SERINC5: variants seen among roughly 807,000 people sequenced by gnomAD.
SERINC5 encodes the protein serine incorporator 5, also known as chromosome 5 open reading frame 12.
A neutral mutation model predicts 63.1 loss-of-function variants in SERINC5; 41 were observed. That is an observed-to-expected ratio of 0.65 (90% confidence interval 0.51 to 0.84). The LOEUF (loss-of-function observed/expected upper bound fraction) is 0.84. SERINC5 is among the 40% of genes least tolerant of loss of function. The pLI, the probability that SERINC5 is intolerant of heterozygous loss-of-function variation, is 0.00. For synonymous variants in SERINC5, 222 were observed against 215.2 expected (o/e 1.03, Z -0.28); for missense variants, 523 against 573.0 (o/e 0.91, Z 0.89).
intron 2 of SERINC5, among the ~76,000 whole-genome samples, chr5:80,184,296 C>T (rs1472653372): frequency 6.6e-6 from 1 of 152,176 alleles, no homozygotes; most frequent in Non-Finnish European, 1.5e-5. Context: ...ACATCTTCCC[C>T]ATAACACATG....
At chr5:80,179,237 T>G (rs1003862668) in intron 2 of SERINC5, among the ~76,000 whole-genome samples, 1 of 152,056 alleles carries the variant, frequency 6.6e-6, no homozygotes, top group Non-Finnish European at 1.5e-5. Flanking sequence ...AGGCAGAGGT[T>G]GCAGCGAGCC....
intron 1 of SERINC5, among the ~76,000 whole-genome samples, chr5:80,230,008 T>A (rs1201670870): frequency 1.3e-5 from 2 of 152,136 alleles, no homozygotes; most frequent in Non-Finnish European, 2.9e-5. Flanking sequence ...AGCATCTCAT[T>A]TCCTCAAACT....
At chr5:80,168,729 C>G (rs1289386224) in intron 6 of SERINC5, among the ~76,000 whole-genome samples, 3 of 152,226 alleles carry the variant, frequency 2.0e-5, no homozygotes, top group African/African-American at 7.2e-5. Context: ...CACATTTATA[C>G]TTCCTAAAGC....
chr5:80,196,699 G>A (rs531233662), intron 2 of SERINC5, among the ~76,000 whole-genome samples: 27 of 152,268 alleles, frequency 1.8e-4, no homozygotes, highest in African/African-American at 6.5e-4. Flanking sequence ...AACACTTTTG[G>A]AGGCCAAGGC....
In SERINC5 at chr5:80,186,126, GAAAAAAAAAAAAAAAA is replaced by G. The variant is rs10554934; in HGVS notation, c.196-8078_196-8063del. On this transcript the variant is annotated intron_variant, in intron 2 of 11. Transcript: ENST00000507668. ...ATTGAAAGATTAACTTTCTTGTTTT[GAAAAAAAAAAAAAAAA>G]AAAAAAAAAAAAAGACAGAGTTTCA... is the stretch of plus-strand genomic sequence containing the variant. 4.2e-4 allele frequency among the ~76,000 whole-genome samples: 26 copies of G among 61,436 alleles called. No homozygotes were observed. The South Asian group carries it at 7.2e-3, about 17-fold the overall frequency. 40.3% of individuals were successfully genotyped at this position (61,436 alleles called of 152,430 possible).
chr5:80,140,835 C>A lies in SERINC5; in HGVS notation c.*2828G>T. The A allele has an allele frequency of 1.0e-6, 1 of 985,346 alleles. No individual in the cohort carries two copies. The highest frequency in any genetic ancestry group is 1.2e-6 in the Non-Finnish European group (1 of 829,930). The allele number at this position is 985,346 out of a possible 1,614,324, so 61.0% of individuals were successfully genotyped here. ...TATTCACATGCAGCTTTAAAAAAGT[C>A]CTCTTCAACTGTCATCCCTAAATGT... On this transcript the variant is annotated 3_prime_UTR_variant, in exon 12 of 12. Coordinates refer to ENST00000507668, the MANE Select transcript of SERINC5 (RefSeq NM_001174072.3).
In SERINC5 at chr5:80,229,050, T is replaced by TGGGGGCGGG. The variant is rs1174325559; in HGVS notation, c.28-25998_28-25997insCCCGCCCCC. Among the ~76,000 whole-genome samples, 20 of 94,104 alleles carry TGGGGGCGGG rather than the reference T, an allele frequency of 2.1e-4. 3 individuals are homozygous for TGGGGGCGGG. Among genetic ancestry groups the TGGGGGCGGG allele is most frequent in the Non-Finnish European group, 3.2e-4 (15 of 46,824 alleles). The allele number at this position is 94,104 out of a possible 152,430, so 61.7% of individuals were successfully genotyped here. On this transcript the variant is annotated intron_variant, in intron 1 of 11. Transcript: ENST00000507668. ...TTTTTTTTTTTTTTTTTTTTTTTTT[T>TGGGGGCGGG]GGGGATGGAGTTGCCTAGGCTGGAG...
chr5:80,235,460 T>C (rs951815446), intron 1 of SERINC5, among the ~76,000 whole-genome samples: 2 of 152,250 alleles, frequency 1.3e-5, no homozygotes, highest in Non-Finnish European at 2.9e-5. Context: ...TATTTAATTA[T>C]GATTCAGACA....
At chr5:80,228,544 C>T (rs966244313) in intron 1 of SERINC5, among the ~76,000 whole-genome samples, 1 of 152,008 alleles carries the variant, frequency 6.6e-6, no homozygotes, top group South Asian at 2.1e-4. Context: ...GAGCCTTGAA[C>T]TCCTTGCCTC....
chr5:80,203,245 AAT>A, intron 1 of SERINC5, 192 bp from the exon 2 acceptor site: 1 of 468,232 alleles, frequency 2.1e-6, no homozygotes, highest in Non-Finnish European at 4.0e-6. Context: ...TCTCTAAATA[AAT>A]ATATATACAC....
intron 2 of SERINC5, among the ~76,000 whole-genome samples, chr5:80,182,885 G>T (rs901377190): frequency 3.9e-5 from 6 of 151,992 alleles, no homozygotes; most frequent in African/African-American, 1.5e-4. Flanking sequence ...TCCTGTAATT[G>T]GTCTTATGTC....
At chr5:80,183,566 GA>G (rs1217348358) in intron 2 of SERINC5, among the ~76,000 whole-genome samples, 1 of 152,120 alleles carries the variant, frequency 6.6e-6, no homozygotes, top group African/African-American at 2.4e-5. Context: ...CAAAAGAAGT[GA>G]AAAGGCCCTG....
chr5:80,198,398 C>G (rs1427011324), intron 2 of SERINC5: 2 of 319,680 alleles, frequency 6.3e-6, no homozygotes, highest in Non-Finnish European at 9.0e-6. Context: ...CCCTTGCAGT[C>G]CCCTCTTACT....
At position 80,160,932 on chromosome 5, in the gene SERINC5, GTGTATATATATGTGTATA is replaced by G. The variant is rs573228959; in HGVS notation, c.860-1988_860-1971del. On this transcript the variant is annotated intron_variant, in intron 7 of 11. Coordinates refer to ENST00000507668, the MANE Select transcript of SERINC5 (RefSeq NM_001174072.3). ...GATAGATATATATATGTGTGTGTGT[GTGTATATATATGTGTATA>G]TATATATGTGTGTGTATATATATGT... 4.0e-3 allele frequency among the ~76,000 whole-genome samples: 587 copies of G among 147,390 alleles called. 1 individual carries two copies. Among genetic ancestry groups the G allele is most frequent in the African/African-American group, 0.012 (470 of 39,768 alleles).
Position 80,205,857 on chromosome 5 carries a change from G to A in SERINC5, c.28-2804C>T, listed in dbSNP as rs541235568. Among the ~76,000 whole-genome samples, 9 of 151,894 alleles carry A rather than the reference G, an allele frequency of 5.9e-5. No homozygotes were observed. In the South Asian group the frequency reaches 1.9e-3, roughly 32 times the overall value. ...CCAAGGCAGGCGGATCGTGAGGTCAGGAGATCAAGACCATGACCATCCTGG... is the reference window on the plus strand; with the variant it reads ...CCAAGGCAGGCGGATCGTGAGGTCAAGAGATCAAGACCATGACCATCCTGG... On this transcript the variant is annotated intron_variant, in intron 1 of 11. Coordinates refer to ENST00000507668, the MANE Select transcript of SERINC5 (RefSeq NM_001174072.3).
intron 5 of SERINC5, 92 bp downstream of exon 5, chr5:80,174,862 T>G: frequency 2.5e-6 from 2 of 789,394 alleles, no homozygotes; most frequent in East Asian, 5.8e-5. Context: ...GAAACAAAAC[T>G]GCAAATCCCT....
chr5:80,122,291 A>G (rs1188662607), intron 11 of SERINC5, among the ~76,000 whole-genome samples: 6 of 151,622 alleles, frequency 4.0e-5, no homozygotes, highest in East Asian at 1.9e-4. Flanking sequence ...CTGATGTCCA[A>G]TGTTTGAGGG....
intron 8 of SERINC5, chr5:80,158,568 AT>A (rs1391581307): frequency 5.1e-6 from 2 of 390,904 alleles, no homozygotes; most frequent in African/African-American, 4.0e-5. Context: ...CATGCCATAT[AT>A]TTGCTTTATT....
chr5:80,164,643 C>T (rs1432934108), intron 7 of SERINC5, among the ~76,000 whole-genome samples: 2 of 152,112 alleles, frequency 1.3e-5, no homozygotes, highest in Non-Finnish European at 2.9e-5. Context: ...CTCAACCTCC[C>T]AAAGTGCTAG....
Sources: gnomAD v4.1 joint callset for allele counts (sites outside exome capture counted in the v4.1 genomes callset) on GRCh38, gnomAD v4.1.1 for gene constraint, MANE v1.5 for transcripts, NCBI Gene and HGNC (gene_info 2026-07-23, HGNC 2026-07-21) for gene names.